Variants in ATM observed in about 807,000 individuals in gnomAD.
ATM encodes the protein ATM serine/threonine kinase, also known as serine-protein kinase ATM.
In ATM, 308 loss-of-function variants were observed where a neutral mutation model predicts 387.0. That is an observed-to-expected ratio of 0.80 (90% CI 0.73 to 0.87). ATM has a LOEUF of 0.87. Among genes scored for constraint, ATM ranks in the 40% least tolerant of loss-of-function variants. The pLI is 0.00. For synonymous variants in ATM, 1,156 were observed against 1,187.3 expected (o/e 0.97, Z 0.54); for missense variants, 3,312 against 3,560.9 (o/e 0.93, Z 1.78).
intron 26 of ATM, among the ~76,000 whole-genome samples, chr11:108,285,323 T>G (rs1156653763): frequency 9.9e-5 from 2 of 20,138 alleles, no homozygotes; most frequent in Non-Finnish European, 1.7e-4. Flanking sequence ...TTTTCTCTCT[T>G]TTTTTTTTTT....
rs541325813 is a variant in ATM, at chr11:108,355,967, G to T, written c.8850+1093G>T. The T allele has an allele frequency of 2.0e-5, 3 of 152,292 alleles. No homozygotes were observed. In the East Asian group the frequency reaches 5.8e-4, roughly 29 times the overall value. The allele number at this position is 152,292 out of a possible 1,614,324, so 9.4% of individuals were successfully genotyped here. ...ATACAGATTTTGCTACAAGGAGTTT[G>T]CTGAAATAGGTCCCAATAATACGTT... On this transcript the variant is annotated intron_variant, in intron 61 of 62. Coordinates refer to ENST00000675843, the MANE Select transcript of ATM (RefSeq NM_000051.4).
chr11:108,351,419 C>G (rs2089187085), intron 59 of ATM, among the ~76,000 whole-genome samples: 1 of 152,134 alleles, frequency 6.6e-6, no homozygotes, highest in South Asian at 2.1e-4. Flanking sequence ...AACAAACCAC[C>G]CCAAAATTTA....
chr11:108,265,964 C>T (rs562080730), intron 16 of ATM, among the ~76,000 whole-genome samples: 1 of 151,106 alleles, frequency 6.6e-6, no homozygotes, highest in South Asian at 2.1e-4. Context: ...GAATGGCAGT[C>T]ATTAAAAAGT....
chr11:108,316,544 A>G (rs564519081), intron 42 of ATM, among the ~76,000 whole-genome samples: 1 of 152,182 alleles, frequency 6.6e-6, no homozygotes, highest in East Asian at 1.9e-4. Flanking sequence ...CCATTCTTCC[A>G]TGAAATATTA....
At chr11:108,362,201 CTCA>C (rs1204616723) in intron 61 of ATM, among the ~76,000 whole-genome samples, 1 of 145,854 alleles carries the variant, frequency 6.9e-6, no homozygotes, top group Non-Finnish European at 1.5e-5. Context: ...TGAAAAAATG[CTCA>C]TCATCACTGG....
At chr11:108,315,987 T>A (rs758377344) in intron 41 of ATM, 24 bp from the exon 42 acceptor site, 9 of 1,612,056 alleles carry the variant, frequency 5.6e-6, no homozygotes, top group Middle Eastern at 1.6e-4. Context: ...AACCCAAAGC[T>A]ATTTTCACAA....
chr11:108,319,580 C>G (rs1360428428), intron 43 of ATM, among the ~76,000 whole-genome samples: 1 of 152,142 alleles, frequency 6.6e-6, no homozygotes, highest in African/African-American at 2.4e-5. Flanking sequence ...TTGTTACTTT[C>G]CAATACTTAT....
intron 16 of ATM, among the ~76,000 whole-genome samples, chr11:108,262,056 T>C (rs375967164): frequency 1.3e-5 from 2 of 151,942 alleles, no homozygotes; most frequent in South Asian, 2.1e-4. Flanking sequence ...TGGAAAACAC[T>C]CTGCAGGATA....
intron 9 of ATM, among the ~76,000 whole-genome samples, chr11:108,250,468 T>G (rs1413513581): frequency 6.6e-6 from 1 of 152,152 alleles, no homozygotes; most frequent in Non-Finnish European, 1.5e-5. Flanking sequence ...TTTAAAATAT[T>G]TGTTTAAGGG....
At chr11:108,240,591 A>C (rs543875660) in intron 5 of ATM, among the ~76,000 whole-genome samples, 74 of 152,340 alleles carry the variant, frequency 4.9e-4, no homozygotes, top group Admixed American at 1.4e-3. Flanking sequence ...TACTGTAGGC[A>C]GCTGTAACAC....
chr11:108,249,107 A>T lies in ATM; in HGVS notation c.1235+5A>T, dbSNP rs1064793679. 1 of 1,613,650 alleles carries T rather than the reference A, an allele frequency of 6.2e-7. No homozygotes were observed. The highest frequency in any genetic ancestry group is 8.5e-7 in the Non-Finnish European group (1 of 1,179,856). On this transcript the variant is annotated splice_donor_5th_base_variant and intron_variant, in intron 9 of 62. Transcript: ENST00000675843. Reference sequence around the variant, plus strand: ...TGATTTTGATCTTGTGCCTTGGTAAAGTGTTACCATTTTCTCATTCAGTGT... The same window carrying T: ...TGATTTTGATCTTGTGCCTTGGTAATGTGTTACCATTTTCTCATTCAGTGT...
chr11:108,289,998 C>T, intron 29 of ATM, 197 bp downstream of exon 29: 1 of 536,286 alleles, frequency 1.9e-6, no homozygotes, highest in Non-Finnish European at 3.3e-6. Flanking sequence ...GCTGGGGCTA[C>T]AGGAGCATAC....
At chr11:108,277,979 C>T (rs1311850170) in intron 22 of ATM, among the ~76,000 whole-genome samples, 2 of 151,748 alleles carry the variant, frequency 1.3e-5, no homozygotes, top group African/African-American at 4.8e-5. Flanking sequence ...TTTTTAGCAC[C>T]TAAAACAATA....
intron 16 of ATM, among the ~76,000 whole-genome samples, chr11:108,266,391 A>T (rs1016947155): frequency 1.3e-5 from 2 of 150,954 alleles, no homozygotes; most frequent in African/African-American, 4.9e-5. Context: ...AAGAAGAAAA[A>T]ACCAAACACC....
In ATM at chr11:108,365,346, C is replaced by G; in HGVS notation, c.9009C>G (p.Asn3003Lys). Residue 3003 changes from asparagine (N) to lysine (K), a missense_variant, in exon 63 of 63, where the codon AAC becomes AAG. Asn to Lys is a moderately conservative substitution (Grantham distance 94). Transcript: ENST00000675843. ...RNLSDIDQSFNKVAERVLMRL... is the reference protein window; with the variant it reads ...RNLSDIDQSFKKVAERVLMRL... Reference sequence around the variant, plus strand: ...TTAGTGATATTGACCAGAGTTTCAACAAAGTAGCTGAACGTGTCTTAATGA... The same window carrying G: ...TTAGTGATATTGACCAGAGTTTCAAGAAAGTAGCTGAACGTGTCTTAATGA... The G allele has an allele frequency of 6.2e-7, 1 of 1,614,168 alleles. No homozygotes were observed. The highest frequency in any genetic ancestry group is 8.5e-7 in the Non-Finnish European group (1 of 1,180,032).
At chr11:108,246,919 C>CA (rs760020533) in intron 7 of ATM, 45 bp from the exon 8 acceptor site, 1 of 1,498,234 alleles carries the variant, frequency 6.7e-7, no homozygotes, top group African/African-American at 1.4e-5. Context: ...GCAGTGTAAA[C>CA]AGAGTACATA....
chr11:108,230,267 T>A (rs2078944750), intron 4 of ATM: 1 of 152,084 alleles, frequency 6.6e-6, no homozygotes, highest in Middle Eastern at 3.4e-3. Context: ...AATACAAAAA[T>A]TAATTGGGCA....
intron 24 of ATM, 31 bp from the exon 25 acceptor site, chr11:108,282,679 T>C: frequency 1.2e-6 from 2 of 1,602,716 alleles, no homozygotes; most frequent in Non-Finnish European, 1.7e-6. Context: ...TTTTCATTTT[T>C]CTTAACACAT....
intron 61 of ATM, among the ~76,000 whole-genome samples, chr11:108,356,558 AAAG>A (rs1345665507): frequency 3.3e-5 from 5 of 151,796 alleles, no homozygotes; most frequent in Non-Finnish European, 7.4e-5. Flanking sequence ...AAAAAAAAAA[AAAG>A]CCCAAACTTT....
Sources: gnomAD v4.1 joint callset for allele counts (sites outside exome capture counted in the v4.1 genomes callset) on GRCh38, gnomAD v4.1.1 for gene constraint, MANE v1.5 for transcripts, NCBI Gene and HGNC (gene_info 2026-07-23, HGNC 2026-07-21) for gene names.